The following HDAC9 variants were observed in gnomAD, a reference collection of about 807,000 sequenced individuals.
HDAC9 encodes histone deacetylase 9.
A neutral mutation model predicts 139.4 loss-of-function variants in HDAC9; 41 were observed. That is an observed-to-expected ratio of 0.29 (90% CI 0.23 to 0.38). HDAC9 has a LOEUF of 0.38. Ranked by LOEUF, HDAC9 falls within the 10% of genes least tolerant of loss-of-function variation. HDAC9 has a pLI of 1.00. For missense variants in HDAC9, 1,147 were observed against 1,297.0 expected, an observed-to-expected ratio of 0.88 and a Z score of 1.78; for synonymous variants, 517 against 476.2, an observed-to-expected ratio of 1.09 and a Z score of -1.12.
intron 23 of HDAC9, among the ~76,000 whole-genome samples, chr7:18,947,836 C>T (rs2129319626): frequency 6.6e-6 from 1 of 152,068 alleles, no homozygotes; most frequent in Non-Finnish European, 1.5e-5. Context: ...TTCTCATAGT[C>T]ATAGTAGTTA....
chr7:18,990,539 A>T (rs1785808870), intron 25 of HDAC9, among the ~76,000 whole-genome samples: 1 of 152,210 alleles, frequency 6.6e-6, no homozygotes, highest in African/African-American at 2.4e-5. Context: ...GAGCCTATAG[A>T]GGCAGGCAGG....
At chr7:18,993,781 C>G (rs1269754463) in intron 25 of HDAC9, among the ~76,000 whole-genome samples, 1 of 151,914 alleles carries the variant, frequency 6.6e-6, no homozygotes, top group Admixed American at 6.6e-5. Context: ...CCAGCCTGGG[C>G]AACAGAGTGA....
chr7:18,440,204 G>A (rs1381790873), intron 1 of HDAC9, among the ~76,000 whole-genome samples: 1 of 54,080 alleles, frequency 1.8e-5, no homozygotes, highest in African/African-American at 7.9e-5. Flanking sequence ...TTTTTTTTTT[G>A]GCGGAGTTTC....
At chr7:18,181,182 A>G (rs999992968) in intron 2 of HDAC9, among the ~76,000 whole-genome samples, 1 of 152,168 alleles carries the variant, frequency 6.6e-6, no homozygotes, top group African/African-American at 2.4e-5. Context: ...GTTGTTATTC[A>G]GCTACTAAAC....
intron 22 of HDAC9, among the ~76,000 whole-genome samples, chr7:18,927,119 G>A (rs10280805): frequency 0.16 from 25,071 of 151,976 alleles, 2,392 homozygotes; most frequent in East Asian, 0.35. Flanking sequence ...ATCTTTACCC[G>A]TTATTAAGGT....
Position 18,648,653 on chromosome 7 carries a change from G to A in HDAC9, c.1437G>A (p.Lys479=), listed in dbSNP as rs570884735. The change falls in exon 11 of 26, where the codon AAG becomes AAA. Residue 479 remains lysine (K), a synonymous_variant. Transcript: ENST00000686413. ...QQHQQFLEKQ[K]QYQQQIHMNK... Reference sequence around the variant, plus strand: ...ACCAGCAATTCTTGGAGAAGCAGAAGCAATACCAGCAGCAGATCCACATGA... The same window carrying A: ...ACCAGCAATTCTTGGAGAAGCAGAAACAATACCAGCAGCAGATCCACATGA... The A allele has an allele frequency of 2.4e-5, 38 of 1,613,024 alleles. No individual in the cohort carries two copies. In the South Asian group the frequency reaches 3.5e-4, roughly 15 times the overall value.
intron 1 of HDAC9, among the ~76,000 whole-genome samples, chr7:18,347,627 A>G (rs771986744): frequency 2.6e-5 from 4 of 152,046 alleles, no homozygotes; most frequent in Non-Finnish European, 5.9e-5. Flanking sequence ...TATTTTTTAG[A>G]CAGAGTCTCA....
chr7:18,206,447 C>T (rs902995950), intron 2 of HDAC9, among the ~76,000 whole-genome samples: 26 of 152,070 alleles, frequency 1.7e-4, no homozygotes, highest in African/African-American at 5.6e-4. Context: ...AGCAGGGCCT[C>T]AGTGACGTAA....
intron 1 of HDAC9, among the ~76,000 whole-genome samples, chr7:18,465,190 G>A (rs1197211345): frequency 2.6e-5 from 4 of 151,812 alleles, no homozygotes; most frequent in African/African-American, 9.7e-5. Flanking sequence ...GTTTCTTGAA[G>A]TTCTTTGCTT....
intron 22 of HDAC9, among the ~76,000 whole-genome samples, chr7:18,900,317 A>G (rs1034968177): frequency 3.9e-5 from 6 of 152,192 alleles, no homozygotes; most frequent in African/African-American, 1.4e-4. Flanking sequence ...GTGCTTCTTC[A>G]TGCTTTCTAA....
intron 2 of HDAC9, among the ~76,000 whole-genome samples, chr7:18,237,092 A>T (rs1341201006): frequency 6.6e-6 from 1 of 151,918 alleles, no homozygotes; most frequent in African/African-American, 2.4e-5. Context: ...TGCTTTTTCC[A>T]CTGGTGCAGG....
At chr7:18,748,769 T>C (rs1187974646) in intron 13 of HDAC9, among the ~76,000 whole-genome samples, 1 of 152,250 alleles carries the variant, frequency 6.6e-6, no homozygotes, top group Non-Finnish European at 1.5e-5. Context: ...ACAGATTTAC[T>C]AAACTAGGGT....
At chr7:18,686,492 A>G (rs939468722) in intron 12 of HDAC9, among the ~76,000 whole-genome samples, 21 of 151,898 alleles carry the variant, frequency 1.4e-4, no homozygotes, top group Non-Finnish European at 2.8e-4. Flanking sequence ...CATGGCTTGG[A>G]AGACTACAAA....
At chr7:18,887,121 C>G (rs940562703) in intron 22 of HDAC9, among the ~76,000 whole-genome samples, 9 of 152,038 alleles carry the variant, frequency 5.9e-5, no homozygotes, top group Non-Finnish European at 2.9e-5. Flanking sequence ...GTGCAGCTTC[C>G]CTCTATAGGA....
At chr7:18,197,914 T>C (rs1790840042) in intron 2 of HDAC9, among the ~76,000 whole-genome samples, 1 of 152,208 alleles carries the variant, frequency 6.6e-6, no homozygotes, top group South Asian at 2.1e-4. Context: ...GACTGAGGTT[T>C]GACTTTTTAA....
intron 22 of HDAC9, among the ~76,000 whole-genome samples, chr7:18,878,861 A>G (rs1799517538): frequency 6.6e-6 from 1 of 152,186 alleles, no homozygotes; most frequent in Non-Finnish European, 1.5e-5. Flanking sequence ...GGAAGAGAGG[A>G]AGTCAAACTC....
intron 6 of HDAC9, among the ~76,000 whole-genome samples, chr7:18,603,098 C>G (rs1583962407): frequency 6.6e-6 from 1 of 152,068 alleles, no homozygotes; most frequent in African/African-American, 2.4e-5. Context: ...GAAATCTGCT[C>G]TGTCTGAAAT....
At chr7:18,406,616 C>G (rs1414840606) in intron 1 of HDAC9, among the ~76,000 whole-genome samples, 1 of 152,144 alleles carries the variant, frequency 6.6e-6, no homozygotes, top group Non-Finnish European at 1.5e-5. Context: ...GTCTCAATCT[C>G]CTGACCTCGT....
intron 25 of HDAC9, among the ~76,000 whole-genome samples, chr7:18,988,406 G>T (rs528069041): frequency 6.6e-6 from 1 of 151,998 alleles, no homozygotes; most frequent in South Asian, 2.1e-4. Flanking sequence ...GTTCTAGTTT[G>T]ATTGCACTGT....
Sources: gnomAD v4.1 joint callset for allele counts (sites outside exome capture counted in the v4.1 genomes callset) on GRCh38, gnomAD v4.1.1 for gene constraint, MANE v1.5 for transcripts, NCBI Gene and HGNC (gene_info 2026-07-23, HGNC 2026-07-21) for gene names.